ITGB1: variants seen among roughly 807,000 people sequenced by gnomAD.
ITGB1 encodes the protein integrin beta-1.
In ITGB1, 24 loss-of-function variants were observed where a neutral mutation model predicts 86.5. The ratio of observed to expected loss-of-function variants is 0.28; its 90% CI spans 0.20 to 0.39. The LOEUF (loss-of-function observed/expected upper bound fraction) is 0.39, where lower values mean the gene tolerates loss of function less well. ITGB1 is among the 10% of genes least tolerant of loss of function. The pLI is 1.00. For missense variants in ITGB1, 556 were observed against 946.9 expected (o/e 0.59, Z 5.42); for synonymous variants, 323 against 316.8 (o/e 1.02, Z -0.21).
intron 1 of ITGB1, 90 bp from the exon 2 acceptor site, chr10:32,935,648 T>C (rs989074083): frequency 1.2e-5 from 11 of 899,632 alleles, no homozygotes; most frequent in African/African-American, 3.4e-5. Flanking sequence ...GTACCTTCTA[T>C]TGCTTTTATA....
At chr10:32,950,938 A>G (rs866920823) in intron 1 of ITGB1, among the ~76,000 whole-genome samples, 92 of 152,344 alleles carry the variant, frequency 6.0e-4, no homozygotes, top group African/African-American at 2.0e-3. Flanking sequence ...AGGAAAATGA[A>G]ATATGGAAGA....
At chr10:32,942,632 T>G (rs2095021251) in intron 1 of ITGB1, among the ~76,000 whole-genome samples, 1 of 151,850 alleles carries the variant, frequency 6.6e-6, no homozygotes, top group South Asian at 2.1e-4. Flanking sequence ...GTAAGAGGAC[T>G]GCCTGAGGCA....
chr10:32,924,697 G>A (rs1197994219), intron 6 of ITGB1, among the ~76,000 whole-genome samples: 2 of 152,160 alleles, frequency 1.3e-5, no homozygotes, highest in Non-Finnish European at 2.9e-5. Flanking sequence ...ACACATCAAT[G>A]GCTAGTAAGA....
chr10:32,923,129 A>G (rs2094955060), intron 7 of ITGB1, among the ~76,000 whole-genome samples: 1 of 152,244 alleles, frequency 6.6e-6, no homozygotes, highest in African/African-American at 2.4e-5. Flanking sequence ...TCTATTATCT[A>G]CAACTTAAGA....
Position 32,940,056 on chromosome 10 carries a change from T to C in ITGB1, c.1-4498A>G, listed in dbSNP as rs573713892. Among the ~76,000 whole-genome samples, 3 of 152,256 alleles carry C rather than the reference T, an allele frequency of 2.0e-5. No individual in the cohort carries two copies. The East Asian group carries it at 5.8e-4, about 29-fold the overall frequency. ...CTGTAAGGAGAGATACTCTCTCAAA[T>C]AACAACAGGCTGGGGGCGGTGGCTC... On this transcript the variant is annotated intron_variant, in intron 1 of 15. Transcript: ENST00000302278.
intron 1 of ITGB1, chr10:32,944,480 T>G: frequency 2.7e-6 from 1 of 377,176 alleles, no homozygotes; most frequent in South Asian, 2.2e-5. Flanking sequence ...CCAAACACTG[T>G]GAAGCACCTC....
At chr10:32,940,451 T>A (rs2095015718) in intron 1 of ITGB1, among the ~76,000 whole-genome samples, 2 of 152,248 alleles carry the variant, frequency 1.3e-5, no homozygotes, top group African/African-American at 4.8e-5. Context: ...TATGCGTTTA[T>A]AAGACTGGCA....
intron 1 of ITGB1, among the ~76,000 whole-genome samples, chr10:32,948,133 T>C (rs553480017): frequency 6.6e-6 from 1 of 152,226 alleles, no homozygotes; most frequent in South Asian, 2.1e-4. Context: ...GAAAATAGAT[T>C]AATGTGGATT....
intron 1 of ITGB1, chr10:32,951,905 C>T (rs752661624): frequency 2.0e-5 from 3 of 152,140 alleles, no homozygotes; most frequent in Non-Finnish European, 2.9e-5. Context: ...ACTTATTCCC[C>T]GTAATTTCAA....
intron 6 of ITGB1, 42 bp downstream of exon 6, chr10:32,925,829 T>TA (rs747528464): frequency 8.5e-7 from 1 of 1,175,078 alleles, no homozygotes; most frequent in East Asian, 2.3e-5. Context: ...TTCACACACA[T>TA]AATAGAAACA....
At chr10:32,944,780 G>C in intron 1 of ITGB1, 1 of 742,758 alleles carries the variant, frequency 1.3e-6, no homozygotes, top group Non-Finnish European at 2.5e-6. Flanking sequence ...GATTCATCCT[G>C]CCAGTGGCTG....
At chr10:32,912,937 A>T (rs533236560) in intron 11 of ITGB1, among the ~76,000 whole-genome samples, 23 of 152,274 alleles carry the variant, frequency 1.5e-4, no homozygotes, top group Non-Finnish European at 2.5e-4. Flanking sequence ...CACCTCATAC[A>T]GCCCGGTGCC....
At chr10:32,931,601 C>T (rs2094983582) in intron 3 of ITGB1, among the ~76,000 whole-genome samples, 1 of 152,092 alleles carries the variant, frequency 6.6e-6, no homozygotes, top group South Asian at 2.1e-4. Flanking sequence ...TCCCAACACA[C>T]CACTTTTAGA....
At chr10:32,954,144 T>C (rs2095047964) in intron 1 of ITGB1, among the ~76,000 whole-genome samples, 1 of 152,180 alleles carries the variant, frequency 6.6e-6, no homozygotes. Context: ...GTTTTTTCTT[T>C]TTTTAAGCTC....
chr10:32,924,992 A>T (rs2137212061), intron 6 of ITGB1, among the ~76,000 whole-genome samples: 1 of 152,254 alleles, frequency 6.6e-6, no homozygotes, highest in East Asian at 1.9e-4. Flanking sequence ...AAAAATTCTT[A>T]ATTACTATCC....
At chr10:32,909,067 A>T (rs917999473) in intron 14 of ITGB1, among the ~76,000 whole-genome samples, 1 of 152,208 alleles carries the variant, frequency 6.6e-6, no homozygotes, top group Non-Finnish European at 1.5e-5. Flanking sequence ...CAGGGAACTA[A>T]GGAAGTGTCT....
At chr10:32,943,307 T>C (rs1025400729) in intron 1 of ITGB1, among the ~76,000 whole-genome samples, 1 of 152,216 alleles carries the variant, frequency 6.6e-6, no homozygotes, top group Non-Finnish European at 1.5e-5. Flanking sequence ...ATTACTGGGT[T>C]ATAAGATGGT....
intron 6 of ITGB1, among the ~76,000 whole-genome samples, chr10:32,924,238 T>C (rs1337403891): frequency 6.6e-6 from 1 of 152,202 alleles, no homozygotes; most frequent in Non-Finnish European, 1.5e-5. Context: ...CCTTTTTTTA[T>C]AACAGAAATA....
chr10:32,938,625 G>C (rs368752265), intron 1 of ITGB1, among the ~76,000 whole-genome samples: 1 of 152,190 alleles, frequency 6.6e-6, no homozygotes, highest in African/African-American at 2.4e-5. Context: ...GGAAGCAGGC[G>C]AAACAAGGCT....
Sources: gnomAD v4.1 joint callset for allele counts (sites outside exome capture counted in the v4.1 genomes callset) on GRCh38, gnomAD v4.1.1 for gene constraint, MANE v1.5 for transcripts, NCBI Gene and HGNC (gene_info 2026-07-23, HGNC 2026-07-21) for gene names.